Variants in NAA60 observed in about 807,000 individuals in gnomAD.
NAA60 encodes N-alpha-acetyltransferase 60.
Under a neutral mutation model 26.1 loss-of-function variants are expected in NAA60, and 8 were observed. The observed-to-expected ratio is 0.31, with a 90% CI of 0.18 to 0.55. The LOEUF (loss-of-function observed/expected upper bound fraction) is 0.55, where lower values mean the gene tolerates loss of function less well. Ranked by LOEUF, NAA60 falls within the 20% of genes least tolerant of loss-of-function variation. The pLI is 0.93. For synonymous variants in NAA60, 131 were observed against 122.5 expected, an observed-to-expected ratio of 1.07 and a Z score of -0.46; for missense variants, 290 against 311.3, an observed-to-expected ratio of 0.93 and a Z score of 0.51.
chr16:3,486,448 A>C lies in NAA60; in HGVS notation c.*1188A>C, dbSNP rs1430909981. 6.6e-6 allele frequency: 1 copy of C among 152,334 alleles called. No homozygotes were observed. Among genetic ancestry groups the C allele is most frequent in the Non-Finnish European group, 1.5e-5 (1 of 68,168 alleles). 9.4% of individuals were successfully genotyped at this position (152,334 alleles called of 1,614,324 possible). A position where few individuals can be genotyped will look rare whatever the true frequency, so the allele number is the denominator to read the frequency against. On this transcript the variant is annotated 3_prime_UTR_variant, in exon 8 of 8. Coordinates refer to ENST00000407558, the MANE Select transcript of NAA60 (RefSeq NM_001083601.3). ...AACAACCCTGGGCAGACGGGGCCTC[A>C]GGGACCTGTGTCCTTCCGCCTCCAG...
At chr16:3,479,945 A>G (rs1421948151) in intron 4 of NAA60, among the ~76,000 whole-genome samples, 1 of 152,206 alleles carries the variant, frequency 6.6e-6, no homozygotes, top group Admixed American at 6.5e-5. Context: ...AGAAACCGCT[A>G]AGACTGCTTC....
At chr16:3,463,677 C>G (rs2035558803) in intron 2 of NAA60, among the ~76,000 whole-genome samples, 2 of 148,078 alleles carry the variant, frequency 1.4e-5, no homozygotes, top group Admixed American at 1.4e-4. Flanking sequence ...CCAGCCTGGA[C>G]AACATAGGGA....
intron 2 of NAA60, among the ~76,000 whole-genome samples, chr16:3,454,598 G>GATC (rs1377428806): frequency 6.6e-6 from 1 of 152,202 alleles, no homozygotes; most frequent in African/African-American, 2.4e-5. Flanking sequence ...TAGCCTGTTA[G>GATC]ATCAAGTGGA....
At chr16:3,459,877 T>G (rs990564391) in intron 2 of NAA60, among the ~76,000 whole-genome samples, 1 of 152,212 alleles carries the variant, frequency 6.6e-6, no homozygotes, top group African/African-American at 2.4e-5. Flanking sequence ...TAGATGTGAC[T>G]TATCTGGGTT....
At chr16:3,453,625 C>G (rs1238567780) in intron 2 of NAA60, among the ~76,000 whole-genome samples, 2 of 152,028 alleles carry the variant, frequency 1.3e-5, no homozygotes, top group Non-Finnish European at 1.5e-5. Context: ...TCAGGCTGGT[C>G]TCGAACTCCC....
chr16:3,446,664 G>A (rs1330288136), intron 1 of NAA60, among the ~76,000 whole-genome samples: 1 of 149,728 alleles, frequency 6.7e-6, no homozygotes, highest in African/African-American at 2.5e-5. Flanking sequence ...AGGCTGGAGA[G>A]CAGTGGTGCG....
chr16:3,454,811 T>G (rs191391581), intron 2 of NAA60, among the ~76,000 whole-genome samples: 6 of 152,248 alleles, frequency 3.9e-5, no homozygotes, highest in African/African-American at 1.4e-4. Context: ...GGGATGACCT[T>G]AATGGGTTAA....
In NAA60 at chr16:3,483,562, C is replaced by T. The variant is rs1301366025; in HGVS notation, c.537C>T (p.Leu179=). The T allele has an allele frequency of 6.2e-7, 1 of 1,612,626 alleles. No homozygotes were observed. The highest frequency in any genetic ancestry group is 1.7e-5 in the Admixed American group (1 of 59,518). The change falls in exon 6 of 8, where the codon CTC becomes CTT. Residue 179 remains leucine (L), a synonymous_variant. Transcript: ENST00000407558. ...TCAAAGATGGCTTCACCTATGTCCT[C>T]TACATCAACGGCGGCCACCCTCCCT... is the stretch of plus-strand genomic sequence containing the variant. ...GVLKDGFTYV[L]YINGGHPPWT...
intron 2 of NAA60, among the ~76,000 whole-genome samples, chr16:3,475,650 C>T (rs367991679): frequency 5.9e-5 from 9 of 152,298 alleles, no homozygotes; most frequent in East Asian, 1.9e-4. Context: ...TCTTTCTTTC[C>T]GCCCAGGAGT....
chr16:3,457,544 T>C (rs530323185), intron 2 of NAA60, among the ~76,000 whole-genome samples: 1 of 152,338 alleles, frequency 6.6e-6, no homozygotes, highest in Admixed American at 6.5e-5. Flanking sequence ...TAAACTGCCT[T>C]TCGCCAGAAT....
rs781595656 is a variant in NAA60 at position 3,483,617 on chromosome 16, G to A, written c.572+20G>A. 1.9e-6 allele frequency: 3 copies of A among 1,583,878 alleles called. No homozygotes were observed. The highest frequency in any genetic ancestry group is 2.7e-5 in the African/African-American group (2 of 73,952). ...GATTTTATATCCTTAACTTCTGGGG[G>A]AGAGGGACTGTGGCTTCCTGTCCAT... On this transcript the variant is annotated intron_variant, in intron 6 of 7. Transcript: ENST00000407558.
At chr16:3,483,709 C>T in intron 6 of NAA60, 112 bp downstream of exon 6, 1 of 776,648 alleles carries the variant, frequency 1.3e-6, no homozygotes, top group South Asian at 1.6e-5. Flanking sequence ...GGTGGCCAAG[C>T]TTATGGATGC....
At chr16:3,468,673 C>T (rs929999698) in intron 2 of NAA60, among the ~76,000 whole-genome samples, 3 of 152,234 alleles carry the variant, frequency 2.0e-5, no homozygotes, top group Admixed American at 1.3e-4. Context: ...CTCCTTGCAT[C>T]GCTCCACCTC....
intron 3 of NAA60, 110 bp downstream of exon 3, chr16:3,476,447 G>C: frequency 1.1e-6 from 1 of 883,698 alleles, no homozygotes. Context: ...TGCAAAGATG[G>C]GAATGGCCTG....
At chr16:3,469,522 A>C (rs1345752556) in intron 2 of NAA60, among the ~76,000 whole-genome samples, 1 of 105,002 alleles carries the variant, frequency 9.5e-6, no homozygotes, top group Non-Finnish European at 2.1e-5. Context: ...TCCGCACAGC[A>C]CTGCCCTGGT....
intron 4 of NAA60, among the ~76,000 whole-genome samples, chr16:3,481,379 C>G (rs1274333447): frequency 1.3e-5 from 2 of 152,206 alleles, no homozygotes; most frequent in African/African-American, 4.8e-5. Flanking sequence ...GCCACCGTGC[C>G]CAGCCTGATC....
Position 3,486,752 on chromosome 16 carries a change from G to C in NAA60, c.*1492G>C, listed in dbSNP as rs7200450. ...TCAGCGCCCTCTCCACTGCGAATCA[G>C]TGGCGATCATGTGATTTCTATTTCT... On this transcript the variant is annotated 3_prime_UTR_variant, in exon 8 of 8. Transcript: ENST00000407558. 0.084 allele frequency: 12,813 copies of C among 152,422 alleles called. 1,385 individuals are homozygous for C. Among genetic ancestry groups the C allele is most frequent in the African/African-American group, 0.25 (10,247 of 41,526 alleles). 9.4% of individuals were successfully genotyped at this position (152,422 alleles called of 1,614,324 possible).
intron 2 of NAA60, among the ~76,000 whole-genome samples, chr16:3,452,967 A>G (rs1400895768): frequency 6.6e-6 from 1 of 152,040 alleles, no homozygotes; most frequent in Non-Finnish European, 1.5e-5. Context: ...AAAAATTAAA[A>G]AAGACTAATC....
At chr16:3,455,441 C>T (rs1467764547) in intron 2 of NAA60, among the ~76,000 whole-genome samples, 2 of 139,470 alleles carry the variant, frequency 1.4e-5, no homozygotes, top group African/African-American at 5.5e-5. Context: ...GTCACCCAGG[C>T]TGGAGTGCAG....
Sources: allele counts gnomAD v4.1 joint callset (sites outside exome capture counted in the v4.1 genomes callset), GRCh38; gene constraint gnomAD v4.1.1; transcripts MANE v1.5; gene names NCBI Gene and HGNC (gene_info 2026-07-23, HGNC 2026-07-21).